The following DGKI variants were observed in gnomAD, a reference collection of about 807,000 sequenced individuals.
The protein encoded by DGKI is DAG kinase iota.
In DGKI, 55 loss-of-function variants were observed where a neutral mutation model predicts 147.5. The ratio of observed to expected loss-of-function variants is 0.37; its 90% CI spans 0.30 to 0.47. The LOEUF (loss-of-function observed/expected upper bound fraction) is 0.47, where lower values mean the gene tolerates loss of function less well. Ranked by LOEUF, DGKI falls within the 20% of genes least tolerant of loss-of-function variation. DGKI has a pLI of 1.00. For missense variants in DGKI, 1,007 were observed against 1,323.8 expected (o/e 0.76, Z 3.71); for synonymous variants, 469 against 477.1 (o/e 0.98, Z 0.22).
intron 20 of DGKI, among the ~76,000 whole-genome samples, chr7:137,539,021 G>A (rs73449444): frequency 0.06 from 9,063 of 152,126 alleles, 667 homozygotes; most frequent in African/African-American, 0.17. Context: ...TCTGAATGCC[G>A]AAAGAAATGG....
intron 2 of DGKI, among the ~76,000 whole-genome samples, chr7:137,687,063 A>G (rs1823442391): frequency 6.6e-6 from 1 of 152,110 alleles, no homozygotes. Context: ...GATGACCCCC[A>G]TTGATTCCCC....
At chr7:137,821,646 A>C (rs1231771081) in intron 1 of DGKI, among the ~76,000 whole-genome samples, 2 of 151,014 alleles carry the variant, frequency 1.3e-5, no homozygotes, top group Non-Finnish European at 2.9e-5. Flanking sequence ...AAAGACATAC[A>C]TCAGAAAAAA....
rs1811278243 is a variant in DGKI, at chr7:137,389,375, T to A, written c.*1845A>T. 6.6e-6 allele frequency: 1 copy of A among 152,164 alleles called. No individual in the cohort carries two copies. The highest frequency in any genetic ancestry group is 2.4e-5 in the African/African-American group (1 of 41,432). 9.4% of individuals were successfully genotyped at this position (152,164 alleles called of 1,614,324 possible). ...AAAGACTGTGGTAATAAAATCCCCA[T>A]CCACTGAAAGGCTGTTCCTGTTTAA... On this transcript the variant is annotated 3_prime_UTR_variant, in exon 33 of 33. Coordinates refer to ENST00000614521, the MANE Select transcript of DGKI (RefSeq NM_001321708.2).
intron 1 of DGKI, among the ~76,000 whole-genome samples, chr7:137,704,083 T>C (rs984666884): frequency 7.9e-5 from 12 of 152,080 alleles, no homozygotes; most frequent in Non-Finnish European, 1.0e-4. Context: ...TGGCAGCACA[T>C]ACCTGCAGTT....
intron 6 of DGKI, among the ~76,000 whole-genome samples, chr7:137,639,707 G>A (rs1821553744): frequency 6.6e-6 from 1 of 152,134 alleles, no homozygotes; most frequent in African/African-American, 2.4e-5. Context: ...CCAGGGCACT[G>A]TATTTGCTGC....
In DGKI at chr7:137,846,536, G is replaced by A. The variant is rs149148227; in HGVS notation, c.327C>T (p.Ala109=). 7 of 1,552,882 alleles carry A rather than the reference G, an allele frequency of 4.5e-6. No homozygotes were observed. In the African/African-American group the frequency reaches 5.6e-5, roughly 12 times the overall value. ...GAAALDEPAA[A]GQKEKDEALE... Reference sequence around the variant, plus strand: ...GCGCTTCGTCCTTCTCCTTCTGGCCGGCGGCCGCGGGCTCGTCCAGGGCAG... The same window carrying A: ...GCGCTTCGTCCTTCTCCTTCTGGCCAGCGGCCGCGGGCTCGTCCAGGGCAG... The change falls in exon 1 of 33, where the codon GCC becomes GCT. Residue 109 remains alanine, a synonymous_variant. Coordinates refer to ENST00000614521, the MANE Select transcript of DGKI (RefSeq NM_001321708.2). This position sits in a 1 kb window ranked among gnomAD's most constrained non-coding sequence, Gnocchi z 4.0.
intron 12 of DGKI, among the ~76,000 whole-genome samples, chr7:137,596,001 C>CAAAAAAAAAAAAAAAAAAAAAA (rs71177914): frequency 9.0e-5 from 4 of 44,402 alleles, no homozygotes; most frequent in Admixed American, 4.4e-4. Context: ...GACTCCGTCT[C>CAAAAAAAAAAAAAAAAAAAAAA]AAAAAAAAAA....
chr7:137,425,176 T>G (rs10278281), intron 28 of DGKI, among the ~76,000 whole-genome samples: 61,824 of 152,002 alleles, frequency 0.41, 13,128 homozygotes, highest in East Asian at 0.74. Flanking sequence ...CACCTCACAC[T>G]GCCGGGTACT....
chr7:137,400,832 C>G (rs1408229615), intron 30 of DGKI, among the ~76,000 whole-genome samples: 1 of 152,164 alleles, frequency 6.6e-6, no homozygotes, highest in African/African-American at 2.4e-5. Context: ...CCTTATTCTC[C>G]CATCAACATA....
intron 1 of DGKI, among the ~76,000 whole-genome samples, chr7:137,715,314 A>G (rs1238864844): frequency 6.6e-6 from 1 of 152,196 alleles, no homozygotes; most frequent in Non-Finnish European, 1.5e-5. Context: ...CTTGGGAAAT[A>G]CCTTAATTAT....
At position 137,734,528 on chromosome 7, in the gene DGKI, C is replaced by T. The variant is rs574000409; in HGVS notation, c.402-44526G>A. On this transcript the variant is annotated intron_variant, in intron 1 of 32. Transcript: ENST00000614521. ...TGCTTCCACTGGGGAGAACCAGCTG[C>T]CTTCTTGTTAAGTGGCTCTGCAGAG... Among the ~76,000 whole-genome samples, 3 of 152,042 alleles carry T rather than the reference C, an allele frequency of 2.0e-5. No individual in the cohort carries two copies. The South Asian group carries it at 6.2e-4, about 32-fold the overall frequency.
rs762906197 is a variant in DGKI at position 137,581,841 on chromosome 7, T to C, written c.1642+9A>G. 4 of 1,610,018 alleles carry C rather than the reference T, an allele frequency of 2.5e-6. No individual in the cohort carries two copies. The South Asian group carries it at 3.3e-5, about 13-fold the overall frequency. ...TCCCTGGGAGATGGAAATGGGACGTTGTCCTCACCTCTGGATTCATGGAAC... is the reference window on the plus strand; with the variant it reads ...TCCCTGGGAGATGGAAATGGGACGTCGTCCTCACCTCTGGATTCATGGAAC... On this transcript the variant is annotated intron_variant, in intron 15 of 32. Transcript: ENST00000614521.
chr7:137,770,310 C>T (rs1186483044), intron 1 of DGKI, among the ~76,000 whole-genome samples: 1 of 149,948 alleles, frequency 6.7e-6, no homozygotes, highest in Non-Finnish European at 1.5e-5. Flanking sequence ...ACATCAGGGC[C>T]TGTCTGGGGG....
chr7:137,810,083 G>A (rs1797516975), intron 1 of DGKI, among the ~76,000 whole-genome samples: 1 of 152,184 alleles, frequency 6.6e-6, no homozygotes, highest in African/African-American at 2.4e-5. Flanking sequence ...GGTCCCCTGT[G>A]CTGCTGTCTC....
chr7:137,772,765 T>C (rs994495556), intron 1 of DGKI, among the ~76,000 whole-genome samples: 1 of 152,262 alleles, frequency 6.6e-6, no homozygotes. Context: ...TATTCATACA[T>C]TCAACAAACA....
intron 20 of DGKI, among the ~76,000 whole-genome samples, chr7:137,541,154 T>C (rs777179877): frequency 6.6e-6 from 1 of 152,138 alleles, no homozygotes; most frequent in Non-Finnish European, 1.5e-5. Flanking sequence ...AAAGGTACAA[T>C]AATAGAAAGA....
At chr7:137,645,391 G>T in intron 6 of DGKI, 81 bp downstream of exon 6, 1 of 1,186,998 alleles carries the variant, frequency 8.4e-7, no homozygotes. Context: ...CACTGGATTT[G>T]GGGACAGGAC....
intron 1 of DGKI, among the ~76,000 whole-genome samples, chr7:137,826,477 A>G (rs563784176): frequency 6.6e-6 from 1 of 152,210 alleles, no homozygotes; most frequent in Non-Finnish European, 1.5e-5. Context: ...CTGCAAAATT[A>G]TCTGTATTTC....
At chr7:137,552,754 CAA>C (rs60665502) in intron 19 of DGKI, among the ~76,000 whole-genome samples, 186 bp from the exon 20 acceptor site, 10 of 120,058 alleles carry the variant, frequency 8.3e-5, no homozygotes, top group African/African-American at 5.7e-5. Flanking sequence ...ACTAAAAATA[CAA>C]AAAAAAAAAA....
Sources: gnomAD v4.1 joint callset for allele counts (sites outside exome capture counted in the v4.1 genomes callset) on GRCh38, gnomAD v4.1.1 for gene constraint, Gnocchi (gnomAD v3.1) non-coding constraint, MANE v1.5 for transcripts, NCBI Gene and HGNC (gene_info 2026-07-23, HGNC 2026-07-21) for gene names.